Variants in RABL3 observed in about 807,000 individuals in gnomAD.
RABL3 encodes the protein RAB, member of RAS oncogene family like 3.
In RABL3, 31 loss-of-function variants were observed where a neutral mutation model predicts 31.8. The ratio of observed to expected loss-of-function variants is 0.97; its 90% CI spans 0.73 to 1.31. RABL3 has a LOEUF of 1.31. Among genes scored for constraint, RABL3 ranks in the 40% most tolerant of loss-of-function variants. The pLI is 0.00. For synonymous variants in RABL3, 97 were observed against 99.9 expected (o/e 0.97, Z 0.18); for missense variants, 263 against 279.6 (o/e 0.94, Z 0.42).
intron 5 of RABL3, among the ~76,000 whole-genome samples, chr3:120,695,883 A>G (rs1011549420): frequency 1.3e-5 from 2 of 152,170 alleles, no homozygotes; most frequent in African/African-American, 2.4e-5. Flanking sequence ...CCTTAATTCT[A>G]TGGTTCCATA....
chr3:120,701,189 C>G (rs1708488177), intron 4 of RABL3, among the ~76,000 whole-genome samples: 1 of 151,696 alleles, frequency 6.6e-6, no homozygotes, highest in Admixed American at 6.6e-5. Flanking sequence ...AATAATGTAC[C>G]CTCTGTAGAT....
chr3:120,713,693 G>C (rs923372164), intron 2 of RABL3, among the ~76,000 whole-genome samples: 3 of 152,102 alleles, frequency 2.0e-5, no homozygotes, highest in Non-Finnish European at 4.4e-5. Flanking sequence ...CCTCAACGAT[G>C]CTGCCACTTT....
In RABL3 at chr3:120,721,365, T is replaced by C. The variant is rs528228442; in HGVS notation, c.138+9331A>G. On this transcript the variant is annotated intron_variant, in intron 2 of 7. Transcript: ENST00000273375. ...AACCTTAAATTGTAAGTGGGCTAAA[T>C]GCTCCAATTAAAAGACACAGACTGG... Among the ~76,000 whole-genome samples the C allele has an allele frequency of 8.0e-4, 122 of 152,284 alleles. 1 individual carries two copies. The highest frequency in any genetic ancestry group is 2.8e-3 in the African/African-American group (118 of 41,574).
At chr3:120,705,921 C>T in intron 4 of RABL3, 79 bp downstream of exon 4, 1 of 870,394 alleles carries the variant, frequency 1.1e-6, no homozygotes, top group Non-Finnish European at 1.9e-6. Context: ...GCAAATCAAA[C>T]ATTTTACAAA....
intron 1 of RABL3, among the ~76,000 whole-genome samples, chr3:120,737,318 G>A (rs1708980248): frequency 6.6e-6 from 1 of 152,120 alleles, no homozygotes; most frequent in African/African-American, 2.4e-5. Context: ...GATCAAATCG[G>A]CTACTGAAGC....
intron 2 of RABL3, among the ~76,000 whole-genome samples, chr3:120,724,151 AATAAC>A (rs1335125485): frequency 6.6e-6 from 1 of 152,228 alleles, no homozygotes; most frequent in Non-Finnish European, 1.5e-5. Flanking sequence ...CTCATACACT[AATAAC>A]AGACAAAAAG....
chr3:120,713,316 C>A (rs1323332468), intron 2 of RABL3, among the ~76,000 whole-genome samples: 1 of 152,216 alleles, frequency 6.6e-6, no homozygotes, highest in Non-Finnish European at 1.5e-5. Flanking sequence ...TCCTTTCCAA[C>A]TTAATACTGG....
intron 2 of RABL3, among the ~76,000 whole-genome samples, chr3:120,719,057 A>G (rs1708704091): frequency 6.6e-6 from 1 of 152,242 alleles, no homozygotes; most frequent in Admixed American, 6.5e-5. Context: ...AATTGATGAA[A>G]AAAACAGACC....
chr3:120,697,561 T>C (rs1477425514), intron 5 of RABL3, among the ~76,000 whole-genome samples: 4 of 152,232 alleles, frequency 2.6e-5, no homozygotes, highest in African/African-American at 9.6e-5. Flanking sequence ...CAGGATCTTT[T>C]TCTGGGATCC....
chr3:120,709,148 C>A (rs140971824), intron 3 of RABL3, among the ~76,000 whole-genome samples: 1 of 151,816 alleles, frequency 6.6e-6, no homozygotes, highest in Non-Finnish European at 1.5e-5. Flanking sequence ...TTTAAAAAGA[C>A]TAAGAAAGAA....
intron 1 of RABL3, among the ~76,000 whole-genome samples, chr3:120,735,845 T>C (rs1708954271): frequency 6.6e-6 from 1 of 152,054 alleles, no homozygotes; most frequent in Non-Finnish European, 1.5e-5. Flanking sequence ...TTCCATGCAG[T>C]TGAGCGGTTT....
rs1708327704 is a variant in RABL3 at position 120,687,689 on chromosome 3, T to G, written c.*2134A>C. ...AAACTATAATTCAAGGAATCAAGCT[T>G]GGCTGCAGAAAGTAATGGAGTTGAG... On this transcript the variant is annotated 3_prime_UTR_variant, in exon 8 of 8. Coordinates refer to ENST00000273375, the MANE Select transcript of RABL3 (RefSeq NM_173825.5). The G allele has an allele frequency of 6.6e-6, 1 of 152,076 alleles. No homozygotes were observed. Among genetic ancestry groups the G allele is most frequent in the Non-Finnish European group, 1.5e-5 (1 of 68,010 alleles). The allele number at this position is 152,076 out of a possible 1,614,324, so 9.4% of individuals were successfully genotyped here.
intron 4 of RABL3, 63 bp downstream of exon 4, chr3:120,705,937 A>C: frequency 1.1e-6 from 1 of 947,340 alleles, no homozygotes; most frequent in Non-Finnish European, 1.7e-6. Flanking sequence ...ACAAAGTGTT[A>C]TTCAGGGAAG....
chr3:120,714,921 T>A (rs1226256714), intron 2 of RABL3, among the ~76,000 whole-genome samples: 1 of 152,212 alleles, frequency 6.6e-6, no homozygotes, highest in African/African-American at 2.4e-5. Flanking sequence ...TTGCATCAGT[T>A]CTAGTGGTTC....
intron 1 of RABL3, among the ~76,000 whole-genome samples, chr3:120,738,908 C>A (rs1297928230): frequency 6.6e-6 from 1 of 152,128 alleles, no homozygotes. Context: ...AGTATACCTT[C>A]CCAGGAGTAA....
At position 120,689,671 on chromosome 3, in the gene RABL3, C is replaced by T; in HGVS notation, c.*152G>A. ...AAAGTTTGGACCTCCCGTATTGTCACTTCCTTTCATTTTTCCATTAAAGGG... is the reference window on the plus strand; with the variant it reads ...AAAGTTTGGACCTCCCGTATTGTCATTTCCTTTCATTTTTCCATTAAAGGG... On this transcript the variant is annotated 3_prime_UTR_variant, in exon 8 of 8. Transcript: ENST00000273375. The T allele has an allele frequency of 1.6e-6, 1 of 607,748 alleles. No homozygotes were observed. The highest frequency in any genetic ancestry group is 2.6e-5 in the East Asian group (1 of 37,850). The allele number at this position is 607,748 out of a possible 1,614,324, so 37.6% of individuals were successfully genotyped here.
At chr3:120,716,258 G>C (rs1559817583) in intron 2 of RABL3, among the ~76,000 whole-genome samples, 1 of 152,138 alleles carries the variant, frequency 6.6e-6, no homozygotes, top group Admixed American at 6.5e-5. Context: ...CCATGTATTT[G>C]TATTTACTCC....
rs1236360891 is a variant in RABL3, at chr3:120,686,233, TA to T, written c.*3589del. Among the ~76,000 whole-genome samples, 1 of 152,204 alleles carries T rather than the reference TA, an allele frequency of 6.6e-6. No individual in the cohort carries two copies. On this transcript the variant is annotated 3_prime_UTR_variant, in exon 8 of 8. Coordinates refer to ENST00000273375, the MANE Select transcript of RABL3 (RefSeq NM_173825.5). ...CAAAACAGACTCCTCCTTTGAATTT[TA>T]ACATATATTAAACCAATGCAGACAC...
intron 2 of RABL3, among the ~76,000 whole-genome samples, chr3:120,714,250 G>A (rs1378977216): frequency 6.6e-5 from 10 of 152,192 alleles, no homozygotes; most frequent in Non-Finnish European, 1.0e-4. Flanking sequence ...GAGAGGAAGG[G>A]AGGTAGGAGG....
Sources: allele counts gnomAD v4.1 joint callset (sites outside exome capture counted in the v4.1 genomes callset), GRCh38; gene constraint gnomAD v4.1.1; transcripts MANE v1.5; gene names NCBI Gene and HGNC (gene_info 2026-07-23, HGNC 2026-07-21).